DGCR8: variants seen among roughly 807,000 people sequenced by gnomAD.
DGCR8 encodes DGCR8 microprocessor complex subunit, also known as microprocessor complex subunit DGCR8.
DGCR8 carries 14 observed loss-of-function variants against 78.5 expected under a neutral mutation model. That is an observed-to-expected ratio of 0.18 (90% CI 0.12 to 0.28). The LOEUF (loss-of-function observed/expected upper bound fraction) is 0.28, where lower values mean the gene tolerates loss of function less well. DGCR8 is among the 10% of genes least tolerant of loss of function. The pLI is 1.00. For synonymous variants in DGCR8, 399 were observed against 402.4 expected (o/e 0.99, Z 0.10); for missense variants, 702 against 1,022.5 (o/e 0.69, Z 4.28).
chr22:20,086,698 C>G lies in DGCR8; in HGVS notation c.720+15C>G, dbSNP rs1483974352. On this transcript the variant is annotated intron_variant, in intron 2 of 13. Transcript: ENST00000351989. The surrounding 1 kb of genome is among the most constrained non-coding windows in gnomAD (Gnocchi z 6.4). The stretch of plus-strand genomic sequence containing the variant: ...TCCCCTACGAGGTATGTTGGCAGCC[C>G]CTCCTCTAGAGGGCTCTTAGCAAAA... 6.3e-7 allele frequency: 1 copy of G among 1,595,992 alleles called. No homozygotes were observed. Among genetic ancestry groups the G allele is most frequent in the Non-Finnish European group, 8.5e-7 (1 of 1,175,576 alleles).
intron 1 of DGCR8, among the ~76,000 whole-genome samples, chr22:20,082,418 G>A (rs1293814094): frequency 6.6e-6 from 1 of 151,624 alleles, no homozygotes; most frequent in Non-Finnish European, 1.5e-5. Flanking sequence ...TCAGGCTGGA[G>A]TGCAGTGGTG....
rs376929969 is a variant in DGCR8, at chr22:20,090,183, C to T, written c.1231C>T (p.Leu411=). 2.2e-5 allele frequency: 35 copies of T among 1,614,244 alleles called. 1 individual carries two copies. In the South Asian group the frequency reaches 2.2e-4, roughly 10 times the overall value. The part of the protein sequence containing the change: ...DPGPPDEKDP[L]GAEAAPGALG... ...GGGGCCCCCGGACGAGAAAGACCCA[C>T]TAGGGGCTGAGGCAGCCCCTGGGGC... The change falls in exon 5 of 14, where the codon CTA becomes TTA. Residue 411 remains leucine (L), a synonymous_variant. Coordinates refer to ENST00000351989, the MANE Select transcript of DGCR8 (RefSeq NM_022720.7).
rs769125792 is a variant in DGCR8 at position 20,094,772 on chromosome 22, C to T, written c.1765C>T (p.Pro589Ser). 1.9e-6 allele frequency: 3 copies of T among 1,614,038 alleles called. No individual in the cohort carries two copies. In the African/African-American group the frequency reaches 4.0e-5, roughly 22 times the overall value. The part of the protein sequence containing the change: ...DFVKQTSEEK[P>S]KDSEELEYFN... Reference sequence around the variant, plus strand: ...TGTTAAACAGACCTCTGAAGAGAAGCCCAAAGACAGTGAAGAACTCGAGGT... The same window carrying T: ...TGTTAAACAGACCTCTGAAGAGAAGTCCAAAGACAGTGAAGAACTCGAGGT... The change falls in exon 9 of 14, where the codon CCC becomes TCC. Residue 589 changes from proline (P) to serine (S), a missense_variant. Physicochemically the swap from Pro to Ser is moderately conservative, Grantham distance 74 (BLOSUM62 -1). Around this residue, in one of 4 missense-constraint regions of DGCR8, gnomAD observed 225 missense variants for 427.7 expected, o/e 0.53. Coordinates refer to ENST00000351989, the MANE Select transcript of DGCR8 (RefSeq NM_022720.7).
intron 9 of DGCR8, chr22:20,101,034 C>T (rs927340294): frequency 3.7e-5 from 12 of 328,098 alleles, no homozygotes; most frequent in Non-Finnish European, 5.2e-5. Context: ...GAAAGTTCCT[C>T]CCCTCTACTG....
At chr22:20,106,548 G>T in intron 10 of DGCR8, 44 bp from the exon 11 acceptor site, 2 of 1,442,796 alleles carry the variant, frequency 1.4e-6, no homozygotes. Flanking sequence ...GCAGCTGGCT[G>T]CTCTGCTCAG....
At chr22:20,081,172 C>T (rs1246645229) in intron 1 of DGCR8, among the ~76,000 whole-genome samples, 1 of 152,172 alleles carries the variant, frequency 6.6e-6, no homozygotes, top group Non-Finnish European at 1.5e-5. Context: ...TGGAGGATGA[C>T]AAAAGGAACG....
At chr22:20,093,118 G>A (rs1430556277) in intron 8 of DGCR8, among the ~76,000 whole-genome samples, 3 of 152,046 alleles carry the variant, frequency 2.0e-5, no homozygotes, top group Non-Finnish European at 4.4e-5. Flanking sequence ...AAAAGTAGAA[G>A]GCCTCGGCCG....
At chr22:20,100,803 C>A in intron 9 of DGCR8, 1 of 985,356 alleles carries the variant, frequency 1.0e-6, no homozygotes, top group Non-Finnish European at 1.2e-6. Context: ...TTTTTCCACA[C>A]CCCTACTCCG....
intron 6 of DGCR8, 56 bp from the exon 7 acceptor site, chr22:20,091,813 G>A: frequency 1.3e-6 from 2 of 1,547,918 alleles, no homozygotes; most frequent in Non-Finnish European, 1.8e-6. Context: ...ACAGGAAGCT[G>A]TGTGCTAGCT....
chr22:20,108,879 A>AT lies in DGCR8; in HGVS notation c.2125-10dup, dbSNP rs764614089. 2 of 1,463,922 alleles carry AT rather than the reference A, an allele frequency of 1.4e-6. No individual in the cohort carries two copies. The highest frequency in any genetic ancestry group is 2.3e-5 in the South Asian group (2 of 87,936). The allele number at this position is 1,463,922 out of a possible 1,614,324, so 90.7% of individuals were successfully genotyped here. A position where few individuals can be genotyped will look rare whatever the true frequency, so the allele number is the denominator to read the frequency against. ...CCTGCAGTCCTGAGCGTGAGGTGCT[A>AT]TACTTCCCAGGAGACATCGGACAAG... On this transcript the variant is annotated splice_polypyrimidine_tract_variant and intron_variant, in intron 12 of 13. Transcript: ENST00000351989.
chr22:20,086,623 G>C lies in DGCR8; in HGVS notation c.660G>C (p.Thr220=). 6.2e-7 allele frequency: 1 copy of C among 1,612,544 alleles called. No individual in the cohort carries two copies. The highest frequency in any genetic ancestry group is 1.3e-5 in the African/African-American group (1 of 74,998). ...ATGAAGAAGGAGCAGGCGGGTTCAC[G>C]GCTAAAGCAATCGTTCAGAGAGACA... ...ELDEEGAGGF[T]AKAIVQRDRV... Residue 220 remains threonine (T), a synonymous_variant, in exon 2 of 14, where the codon ACG becomes ACC. Coordinates refer to ENST00000351989, the MANE Select transcript of DGCR8 (RefSeq NM_022720.7). This position sits in a 1 kb window ranked among gnomAD's most constrained non-coding sequence, Gnocchi z 6.4.
chr22:20,083,544 C>T (rs553152904), intron 1 of DGCR8, among the ~76,000 whole-genome samples: 2 of 152,186 alleles, frequency 1.3e-5, no homozygotes, highest in South Asian at 4.2e-4. Flanking sequence ...CGCTTGGCCC[C>T]ATTAGCACCT....
chr22:20,080,766 T>C (rs2049409010), intron 1 of DGCR8: 1 of 152,348 alleles, frequency 6.6e-6, no homozygotes, highest in Non-Finnish European at 1.5e-5. Flanking sequence ...CCTAAGTCTT[T>C]TTGTCCACAG....
intron 9 of DGCR8, chr22:20,101,149 TC>T (rs1428719142): frequency 6.3e-6 from 6 of 947,450 alleles, no homozygotes; most frequent in Non-Finnish European, 7.5e-6. Flanking sequence ...ACTCAGGAAA[TC>T]CTCAGGGTTT....
Position 20,089,545 on chromosome 22 carries a change from A to T in DGCR8, c.881-124A>T. ...GTGAGCAAGGCAGAGAGGAATTTCG[A>T]TTATCTGTGAAGACCCAGTTAAACA... On this transcript the variant is annotated intron_variant, in intron 3 of 13. Transcript: ENST00000351989. This position sits in a 1 kb window ranked among gnomAD's most constrained non-coding sequence, Gnocchi z 4.9. 9.3e-7 allele frequency: 1 copy of T among 1,071,966 alleles called. No individual in the cohort carries two copies. 66.4% of individuals were successfully genotyped at this position (1,071,966 alleles called of 1,614,324 possible).
At chr22:20,109,614 G>T (rs941125627) in intron 13 of DGCR8, among the ~76,000 whole-genome samples, 11 of 152,230 alleles carry the variant, frequency 7.2e-5, no homozygotes, top group African/African-American at 2.7e-4. Context: ...TGCCTGGTTT[G>T]CCCCTGGTCG....
At position 20,080,336 on chromosome 22, in the gene DGCR8, G is replaced by GCA; in HGVS notation, c.-325_-324insCA. 1.0e-6 allele frequency: 1 copy of GCA among 980,948 alleles called. No homozygotes were observed. Among genetic ancestry groups the GCA allele is most frequent in the Non-Finnish European group, 1.2e-6 (1 of 828,232 alleles). The allele number at this position is 980,948 out of a possible 1,614,324, so 60.8% of individuals were successfully genotyped here. A position where few individuals can be genotyped will look rare whatever the true frequency, so the allele number is the denominator to read the frequency against. On this transcript the variant is annotated 5_prime_UTR_variant, in exon 1 of 14. Coordinates refer to ENST00000351989, the MANE Select transcript of DGCR8 (RefSeq NM_022720.7). ...GGCGGTCGGTCGGTGAGGCTTTCCC[G>GCA]GCTGTGGTTTGGCTGCGGGCGGCTT...
chr22:20,101,148 A>G, intron 9 of DGCR8: 1 of 957,882 alleles, frequency 1.0e-6, no homozygotes, highest in African/African-American at 1.8e-5. Context: ...CACTCAGGAA[A>G]TCCTCAGGGT....
intron 9 of DGCR8, among the ~76,000 whole-genome samples, chr22:20,102,706 C>T (rs189288401): frequency 6.6e-6 from 1 of 152,350 alleles, no homozygotes; most frequent in East Asian, 1.9e-4. Flanking sequence ...CCTGATGCCA[C>T]ACTTTCCTGA....
Sources: gnomAD v4.1 joint callset for allele counts (sites outside exome capture counted in the v4.1 genomes callset) on GRCh38, gnomAD v4.1.1 for gene constraint, gnomAD v4.1.1 regional missense constraint, Gnocchi (gnomAD v3.1) non-coding constraint, MANE v1.5 for transcripts, NCBI Gene and HGNC (gene_info 2026-07-23, HGNC 2026-07-21) for gene names.